Variants in PTPN13 observed in about 807,000 individuals in gnomAD.
The protein encoded by PTPN13 is tyrosine-protein phosphatase non-receptor type 13.
Under a neutral mutation model 284.0 loss-of-function variants are expected in PTPN13, and 191 were observed. That is an observed-to-expected ratio of 0.67 (90% confidence interval 0.60 to 0.76). The LOEUF (loss-of-function observed/expected upper bound fraction) is 0.76. PTPN13 is among the 30% of genes least tolerant of loss of function. The probability of loss-of-function intolerance (pLI) is 0.00; values close to 1 mark genes in which losing one functional copy is unlikely to be tolerated. For synonymous variants in PTPN13, 986 were observed against 1,022.3 expected (o/e 0.96, Z 0.68); for missense variants, 2,797 against 2,939.9 (o/e 0.95, Z 1.12).
In PTPN13 at chr4:86,732,448, T is replaced by C; in HGVS notation, c.1657T>C (p.Ser553Pro). Residue 553 changes from serine (S) to proline (P), a missense_variant, in exon 11 of 48, where the codon TCT (serine) becomes CCT (proline). Transcript: ENST00000411767. ...FVKMTIEPFI[S>P]LDLPRSILTK... ...GAAAATGACAATTGAACCATTTATA[T>C]CTTTGGATTTGCCACGGTCTATTCT... 6.2e-7 allele frequency: 1 copy of C among 1,602,324 alleles called. No homozygotes were observed. Among genetic ancestry groups the C allele is most frequent in the Non-Finnish European group, 8.5e-7 (1 of 1,173,356 alleles).
At chr4:86,809,570 C>T (rs895029430) in intron 45 of PTPN13, among the ~76,000 whole-genome samples, 199 bp from the exon 46 acceptor site, 6 of 152,012 alleles carry the variant, frequency 3.9e-5, no homozygotes, top group African/African-American at 1.2e-4. Context: ...TGGCAATGTG[C>T]GCCTGTAATC....
At chr4:86,803,075 T>G (rs1447724965) in intron 42 of PTPN13, among the ~76,000 whole-genome samples, 1 of 151,110 alleles carries the variant, frequency 6.6e-6, no homozygotes, top group Non-Finnish European at 1.5e-5. Context: ...TGTGTGTGTG[T>G]GTGTGTGTGT....
At chr4:86,694,993 C>T (rs1730453836) in intron 6 of PTPN13, among the ~76,000 whole-genome samples, 1 of 152,054 alleles carries the variant, frequency 6.6e-6, no homozygotes, top group South Asian at 2.1e-4. Context: ...AAATGTAGAC[C>T]TTGACTATCT....
Position 86,750,823 on chromosome 4 carries a change from A to C in PTPN13, c.3004A>C (p.Lys1002Gln), listed in dbSNP as rs1390024021. The C allele has an allele frequency of 1.2e-6, 2 of 1,613,804 alleles. No individual in the cohort carries two copies. The highest frequency in any genetic ancestry group is 2.2e-5 in the East Asian group (1 of 44,858). Residue 1002 changes from lysine to glutamine, a missense_variant, in exon 18 of 48, where the codon AAA becomes CAA. Physicochemically the swap from Lys to Gln is moderately conservative, Grantham distance 53 (BLOSUM62 1). Transcript: ENST00000411767. ...PPQTVAELVGKPSHQMSRSDA... is the reference protein window; with the variant it reads ...PPQTVAELVGQPSHQMSRSDA... The stretch of plus-strand genomic sequence containing the variant: ...ACAAACCGTTGCAGAGTTGGTGGGA[A>C]AACCTTCTCACCAGATGTCAAGATC...
At chr4:86,702,956 T>C (rs919608904) in intron 7 of PTPN13, among the ~76,000 whole-genome samples, 6 of 152,138 alleles carry the variant, frequency 3.9e-5, no homozygotes, top group Non-Finnish European at 8.8e-5. Flanking sequence ...TTTAAAGTAT[T>C]CTAAAGATCT....
intron 17 of PTPN13, among the ~76,000 whole-genome samples, chr4:86,745,681 C>T (rs1056942868): frequency 1.3e-5 from 2 of 151,954 alleles, no homozygotes; most frequent in Non-Finnish European, 2.9e-5. Flanking sequence ...GAGGCTGAGG[C>T]AGGAGAATCA....
At chr4:86,627,540 G>A (rs1446642285) in intron 1 of PTPN13, among the ~76,000 whole-genome samples, 2 of 151,150 alleles carry the variant, frequency 1.3e-5, no homozygotes, top group African/African-American at 4.9e-5. Context: ...GCTTTATTGA[G>A]GCATGTTTGA....
intron 2 of PTPN13, among the ~76,000 whole-genome samples, chr4:86,658,507 A>G (rs1293793019): frequency 1.3e-5 from 2 of 152,174 alleles, no homozygotes; most frequent in East Asian, 1.9e-4. Context: ...TCAGGGTTCT[A>G]TCTGGCCATC....
intron 2 of PTPN13, among the ~76,000 whole-genome samples, chr4:86,653,782 A>G (rs553195537): frequency 1.8e-4 from 28 of 152,186 alleles, no homozygotes; most frequent in Non-Finnish European, 3.4e-4. Flanking sequence ...AAGAAATACA[A>G]CTTCAGAAAA....
chr4:86,707,431 T>G (rs1731887755), intron 7 of PTPN13, among the ~76,000 whole-genome samples: 1 of 152,176 alleles, frequency 6.6e-6, no homozygotes, highest in Non-Finnish European at 1.5e-5. Context: ...CTCTATGTTG[T>G]GCAACTAGAA....
intron 10 of PTPN13, among the ~76,000 whole-genome samples, chr4:86,724,082 T>G (rs1353851767): frequency 1.3e-5 from 2 of 152,190 alleles, no homozygotes; most frequent in African/African-American, 4.8e-5. Context: ...TATATGACTT[T>G]ATGTAAATTT....
At chr4:86,646,759 C>G (rs978435384) in intron 2 of PTPN13, among the ~76,000 whole-genome samples, 1 of 152,196 alleles carries the variant, frequency 6.6e-6, no homozygotes, top group African/African-American at 2.4e-5. Context: ...AAGACTTGTA[C>G]ATGAATGTTC....
chr4:86,705,563 G>A (rs1290893815), intron 7 of PTPN13, among the ~76,000 whole-genome samples: 1 of 151,970 alleles, frequency 6.6e-6, no homozygotes, highest in East Asian at 1.9e-4. Flanking sequence ...AACTATTTGT[G>A]TTTTAAAAGT....
At chr4:86,653,312 A>C (rs1725318924) in intron 2 of PTPN13, among the ~76,000 whole-genome samples, 1 of 152,022 alleles carries the variant, frequency 6.6e-6, no homozygotes, top group Non-Finnish European at 1.5e-5. Flanking sequence ...ATGTTCATTG[A>C]TGTCTGGGCA....
At chr4:86,647,663 G>A (rs1724595924) in intron 2 of PTPN13, among the ~76,000 whole-genome samples, 5 of 151,988 alleles carry the variant, frequency 3.3e-5, no homozygotes, top group Non-Finnish European at 7.4e-5. Flanking sequence ...CTCCAAATAG[G>A]ACTGTATCAA....
At position 86,735,725 on chromosome 4, in the gene PTPN13, G is replaced by C; in HGVS notation, c.2283G>C (p.Glu761Asp). 1.9e-6 allele frequency: 3 copies of C among 1,610,562 alleles called. No homozygotes were observed. The highest frequency in any genetic ancestry group is 2.5e-6 in the Non-Finnish European group (3 of 1,179,020). Residue 761 changes from glutamate (E) to aspartate (D), a missense_variant, in exon 15 of 48, where the codon GAG becomes GAC. Transcript: ENST00000411767. Reference protein sequence around the residue: ...HNTYVGASEKETELEFLKVCQ... With the variant: ...HNTYVGASEKDTELEFLKVCQ... The stretch of plus-strand genomic sequence containing the variant: ...CCTATGTGGGAGCTTCTGAAAAAGA[G>C]ACAGAGTTAGAATTTTTAAAGGTAA...
At chr4:86,595,440 A>C (rs1439289084) in intron 1 of PTPN13, among the ~76,000 whole-genome samples, 1 of 152,104 alleles carries the variant, frequency 6.6e-6, no homozygotes, top group East Asian at 1.9e-4. Flanking sequence ...TGGGAAGCTA[A>C]AGTTAAACCA....
intron 17 of PTPN13, among the ~76,000 whole-genome samples, chr4:86,749,296 C>T (rs1429567537): frequency 1.3e-5 from 2 of 151,966 alleles, no homozygotes; most frequent in African/African-American, 2.4e-5. Flanking sequence ...TCCTCCTCCT[C>T]CTTTTTCTTC....
chr4:86,691,316 A>G (rs955196617), intron 5 of PTPN13, among the ~76,000 whole-genome samples: 4 of 152,092 alleles, frequency 2.6e-5, no homozygotes, highest in African/African-American at 9.7e-5. Context: ...GTGAACCTGG[A>G]TAAAGGCTGT....
Sources: gnomAD v4.1 joint callset for allele counts (sites outside exome capture counted in the v4.1 genomes callset) on GRCh38, gnomAD v4.1.1 for gene constraint, MANE v1.5 for transcripts, NCBI Gene and HGNC (gene_info 2026-07-23, HGNC 2026-07-21) for gene names.